GALNT9: variants seen among roughly 807,000 people sequenced by gnomAD.
The protein encoded by GALNT9 is GalNAc transferase 9.
In GALNT9, 47 loss-of-function variants were observed where a neutral mutation model predicts 63.1. That is an observed-to-expected ratio of 0.75 (90% CI 0.59 to 0.95). The LOEUF (loss-of-function observed/expected upper bound fraction) is 0.95, where lower values mean the gene tolerates loss of function less well. Among genes scored for constraint, GALNT9 ranks in the 40% least tolerant of loss-of-function variants. The pLI is 0.00. For missense variants in GALNT9, 829 were observed against 874.8 expected (o/e 0.95, Z 0.66); for synonymous variants, 396 against 365.7 (o/e 1.08, Z -0.94).
chr12:132,305,103 C>A (rs1555244485), intron 1 of GALNT9, among the ~76,000 whole-genome samples: 3 of 82,052 alleles, frequency 3.7e-5, no homozygotes, highest in African/African-American at 6.3e-5. Context: ...CCGGGCACAG[C>A]CTCACCCAGA....
At chr12:132,303,259 C>T (rs939693814) in intron 1 of GALNT9, among the ~76,000 whole-genome samples, 2 of 152,190 alleles carry the variant, frequency 1.3e-5, no homozygotes, top group South Asian at 2.1e-4. Flanking sequence ...GAGAGGCCCC[C>T]ACCCCGGGCA....
chr12:132,285,525 G>A (rs757469951), intron 2 of GALNT9, among the ~76,000 whole-genome samples: 8 of 152,252 alleles, frequency 5.3e-5, no homozygotes, highest in Admixed American at 1.3e-4. Flanking sequence ...GCCAGGGCCC[G>A]GCTCCTGATT....
intron 1 of GALNT9, among the ~76,000 whole-genome samples, chr12:132,302,158 T>C (rs1881320193): frequency 6.6e-6 from 1 of 151,870 alleles, no homozygotes; most frequent in Admixed American, 6.6e-5. Context: ...CAATATATGC[T>C]TCCACTACTT....
chr12:132,256,366 G>A (rs1282551842), intron 5 of GALNT9, among the ~76,000 whole-genome samples: 1 of 151,822 alleles, frequency 6.6e-6, no homozygotes, highest in Non-Finnish European at 1.5e-5. Context: ...GTGTGGAAGG[G>A]TCCACTCCTC....
chr12:132,291,121 G>C (rs1593108366), intron 1 of GALNT9, among the ~76,000 whole-genome samples: 1 of 49,714 alleles, frequency 2.0e-5, no homozygotes, highest in Admixed American at 2.1e-4. Context: ...CACATCCACA[G>C]CACCCACATC....
At chr12:132,300,114 C>T (rs1056572262) in intron 1 of GALNT9, among the ~76,000 whole-genome samples, 1 of 149,386 alleles carries the variant, frequency 6.7e-6, no homozygotes, top group Non-Finnish European at 1.5e-5. Context: ...GATAACTAAC[C>T]CACTCCCACC....
chr12:132,199,739 G>C lies in GALNT9; in HGVS notation c.1402-470C>G, dbSNP rs73166826. On this transcript the variant is annotated intron_variant, in intron 8 of 10. Coordinates refer to ENST00000328957, the MANE Select transcript of GALNT9 (RefSeq NM_001122636.2). The stretch of plus-strand genomic sequence containing the variant: ...GAACAAGCCCGGGCCAGACTGCTGG[G>C]GGATGTGTTGTCATCGGGCAGCCAA... 3.4e-3 allele frequency among the ~76,000 whole-genome samples: 512 copies of C among 152,350 alleles called. 1 individual carries two copies. The highest frequency in any genetic ancestry group is 0.012 in the African/African-American group (480 of 41,564).
intron 6 of GALNT9, among the ~76,000 whole-genome samples, chr12:132,214,786 C>T (rs556263525): frequency 1.3e-4 from 20 of 152,318 alleles, no homozygotes; most frequent in African/African-American, 3.8e-4. Context: ...CTGCTGGCTG[C>T]GCTGTCCTGA....
intron 6 of GALNT9, among the ~76,000 whole-genome samples, chr12:132,225,868 A>G (rs1269962292): frequency 7.1e-6 from 1 of 140,044 alleles, no homozygotes; most frequent in Non-Finnish European, 1.5e-5. Context: ...CTGTGTATAC[A>G]CACCCCCCAT....
At chr12:132,250,863 G>A (rs1343268653) in intron 5 of GALNT9, among the ~76,000 whole-genome samples, 1 of 152,198 alleles carries the variant, frequency 6.6e-6, no homozygotes, top group Non-Finnish European at 1.5e-5. Flanking sequence ...CCGCCCGTGT[G>A]GGTGGAGTCG....
chr12:132,314,396 A>G (rs1340893502), intron 1 of GALNT9, among the ~76,000 whole-genome samples: 1 of 152,076 alleles, frequency 6.6e-6, no homozygotes, highest in African/African-American at 2.4e-5. Context: ...GCACTCTGCC[A>G]AGCGCTTCAT....
intron 6 of GALNT9, among the ~76,000 whole-genome samples, chr12:132,241,254 C>A (rs1878324726): frequency 3.3e-5 from 2 of 60,334 alleles, no homozygotes; most frequent in East Asian, 5.0e-4. Flanking sequence ...ACACACACGC[C>A]ACACCCCCTT....
intron 1 of GALNT9, among the ~76,000 whole-genome samples, chr12:132,325,506 G>A (rs1041892733): frequency 2.6e-5 from 4 of 152,190 alleles, no homozygotes; most frequent in African/African-American, 7.2e-5. Flanking sequence ...CAGGATGAGC[G>A]TGCAATGAGC....
At chr12:132,258,955 C>A (rs2135542661) in intron 4 of GALNT9, among the ~76,000 whole-genome samples, 1 of 152,328 alleles carries the variant, frequency 6.6e-6, no homozygotes, top group South Asian at 2.1e-4. Flanking sequence ...CGGGTCGGCT[C>A]AGGCAGAGCC....
At position 132,248,091 on chromosome 12, in the gene GALNT9, C is replaced by G; in HGVS notation, c.960-64G>C. The G allele has an allele frequency of 2.7e-6, 4 of 1,499,628 alleles. No homozygotes were observed. The South Asian group carries it at 4.0e-5, about 15-fold the overall frequency. The allele number at this position is 1,499,628 out of a possible 1,614,324, so 92.9% of individuals were successfully genotyped here. A position where few individuals can be genotyped will look rare whatever the true frequency, so the allele number is the denominator to read the frequency against. On this transcript the variant is annotated intron_variant, in intron 5 of 10. Transcript: ENST00000328957. ...CAGGCCTGAGCCCTGCCTGCTGGGC[C>G]ATGAGCCAGGAAAGCCTGGAAGACC...
intron 6 of GALNT9, among the ~76,000 whole-genome samples, chr12:132,216,382 G>C (rs1279683894): frequency 6.6e-6 from 1 of 152,216 alleles, no homozygotes; most frequent in East Asian, 1.9e-4. Flanking sequence ...TTCCTGGAAG[G>C]GTCATTTGCT....
intron 1 of GALNT9, among the ~76,000 whole-genome samples, chr12:132,311,229 A>C (rs1555245144): frequency 6.6e-6 from 1 of 152,210 alleles, no homozygotes; most frequent in African/African-American, 2.4e-5. Context: ...TGTGACTTTG[A>C]CATTTCAAAG....
intron 2 of GALNT9, chr12:132,281,027 G>GC (rs1453849652): frequency 6.6e-6 from 1 of 152,586 alleles, no homozygotes; most frequent in Non-Finnish European, 1.5e-5. Context: ...CCTGCAGCCA[G>GC]CCCCCTGCAG....
At position 132,196,776 on chromosome 12, in the gene GALNT9, G is replaced by A; in HGVS notation, c.*331C>T. 1 of 1,094,198 alleles carries A rather than the reference G, an allele frequency of 9.1e-7. No homozygotes were observed. Among genetic ancestry groups the A allele is most frequent in the African/African-American group, 1.7e-5 (1 of 60,324 alleles). 67.8% of individuals were successfully genotyped at this position (1,094,198 alleles called of 1,614,324 possible). On this transcript the variant is annotated 3_prime_UTR_variant, in exon 11 of 11. Transcript: ENST00000328957. The stretch of plus-strand genomic sequence containing the variant: ...GGTCCGGGGCTTGGCCTCCCTATGG[G>A]GCGTGGGGGGCTGTGGTACATGCAG...
Sources: allele counts gnomAD v4.1 joint callset (sites outside exome capture counted in the v4.1 genomes callset), GRCh38; gene constraint gnomAD v4.1.1; transcripts MANE v1.5; gene names NCBI Gene and HGNC (gene_info 2026-07-23, HGNC 2026-07-21).